The following THSD7B variants were observed in gnomAD, a reference collection of about 807,000 sequenced individuals.
THSD7B encodes the protein thrombospondin type-1 domain-containing protein 7B.
In THSD7B, 138 loss-of-function variants were observed where a neutral mutation model predicts 213.6. The observed-to-expected ratio is 0.65, with a 90% CI of 0.56 to 0.74. THSD7B has a LOEUF of 0.74. Ranked by LOEUF, THSD7B falls within the 30% of genes least tolerant of loss-of-function variation. The pLI is 0.00. For synonymous variants in THSD7B, 742 were observed against 687.0 expected (o/e 1.08, Z -1.25); for missense variants, 1,931 against 1,991.5 (o/e 0.97, Z 0.58).
intron 2 of THSD7B, among the ~76,000 whole-genome samples, chr2:136,975,003 G>A (rs1685457274): frequency 6.7e-6 from 1 of 149,908 alleles, no homozygotes; most frequent in South Asian, 2.1e-4. Context: ...CTTATTTTGA[G>A]AAGTGTCTTT....
intron 5 of THSD7B, among the ~76,000 whole-genome samples, chr2:137,136,535 A>C (rs1679465213): frequency 6.6e-6 from 1 of 152,192 alleles, no homozygotes; most frequent in Non-Finnish European, 1.5e-5. Context: ...CCATAGCTCA[A>C]TGGTTGATTC....
At chr2:136,883,953 T>G (rs1683669915) in intron 2 of THSD7B, among the ~76,000 whole-genome samples, 1 of 152,242 alleles carries the variant, frequency 6.6e-6, no homozygotes, top group Admixed American at 6.5e-5. Context: ...TTGGTTTTGC[T>G]TTCAAAGCAG....
rs145395992 is a variant in THSD7B, at chr2:136,935,371, TGTG to T, written c.139+53058_139+53060del. Among the ~76,000 whole-genome samples, 1,013 of 152,266 alleles carry T rather than the reference TGTG, an allele frequency of 6.7e-3. 11 individuals carry two copies. Among genetic ancestry groups the T allele is most frequent in the African/African-American group, 0.023 (967 of 41,544 alleles). ...GGTCATTAAACCTTCATCATGGTAT[TGTG>T]GTGAGGATTCAAAGAGGAGACTCTA... On this transcript the variant is annotated intron_variant, in intron 2 of 27. Transcript: ENST00000409968.
At chr2:137,242,749 G>C (rs1411316129) in intron 10 of THSD7B, among the ~76,000 whole-genome samples, 177 bp downstream of exon 10, 1 of 151,932 alleles carries the variant, frequency 6.6e-6, no homozygotes, top group Admixed American at 6.6e-5. Flanking sequence ...ATCTATCAGA[G>C]CTTGGAAGAG....
chr2:137,480,946 A>C (rs1035604192), intron 15 of THSD7B, among the ~76,000 whole-genome samples: 6 of 152,246 alleles, frequency 3.9e-5, no homozygotes, highest in Non-Finnish European at 8.8e-5. Flanking sequence ...TTAAGAGACA[A>C]GGCCTCTTAC....
chr2:137,373,283 A>G (rs565939122), intron 12 of THSD7B, among the ~76,000 whole-genome samples: 16 of 152,358 alleles, frequency 1.1e-4, no homozygotes, highest in Non-Finnish European at 1.8e-4. Flanking sequence ...ACTGACTTCC[A>G]CAATGGTTGA....
At position 137,546,442 on chromosome 2, in the gene THSD7B, TATTATATATATATTATATATAATATA is replaced by T. The variant is rs1680729196; in HGVS notation, c.3139-16778_3139-16753del. Among the ~76,000 whole-genome samples the T allele has an allele frequency of 3.2e-4, 10 of 31,526 alleles. 3 individuals carry two copies. Among genetic ancestry groups the T allele is most frequent in the African/African-American group, 2.0e-3 (10 of 4,898 alleles). 20.7% of individuals were successfully genotyped at this position (31,526 alleles called of 152,430 possible). A position where few individuals can be genotyped will look rare whatever the true frequency, so the allele number is the denominator to read the frequency against. ...ATATATATTATATATATATTATATA[TATTATATATATATTATATATAATATA>T]TATATATATAATATATATATATATA... On this transcript the variant is annotated intron_variant, in intron 15 of 27. Coordinates refer to ENST00000409968, the MANE Select transcript of THSD7B (RefSeq NM_001316349.2).
intron 2 of THSD7B, among the ~76,000 whole-genome samples, chr2:137,021,968 T>C (rs2104844063): frequency 6.6e-6 from 1 of 152,150 alleles, no homozygotes; most frequent in South Asian, 2.1e-4. Flanking sequence ...GCATGAGTCA[T>C]TTGAATTGCA....
intron 1 of THSD7B, among the ~76,000 whole-genome samples, chr2:136,863,135 T>A (rs1352306635): frequency 1.3e-5 from 2 of 152,224 alleles, no homozygotes; most frequent in African/African-American, 4.8e-5. Flanking sequence ...ATACCCGTGG[T>A]CTGTCATGGG....
intron 7 of THSD7B, among the ~76,000 whole-genome samples, chr2:137,218,078 G>A (rs1232535058): frequency 5.3e-5 from 8 of 152,126 alleles, no homozygotes; most frequent in Admixed American, 6.5e-5. Flanking sequence ...AATAAACTAT[G>A]CCTTGCAGGC....
intron 1 of THSD7B, among the ~76,000 whole-genome samples, chr2:136,877,542 T>C (rs1181741023): frequency 6.6e-6 from 1 of 152,130 alleles, no homozygotes; most frequent in Non-Finnish European, 1.5e-5. Context: ...GAAGAAAAGT[T>C]TTGGTTGCTT....
intron 1 of THSD7B, among the ~76,000 whole-genome samples, chr2:136,847,738 G>A (rs917629345): frequency 6.6e-6 from 1 of 152,030 alleles, no homozygotes; most frequent in African/African-American, 2.4e-5. Context: ...TTCAAAAGCA[G>A]GTCAAAAAGC....
Position 136,936,878 on chromosome 2 carries a change from C to G in THSD7B, c.139+54561C>G, listed in dbSNP as rs116643373. On this transcript the variant is annotated intron_variant, in intron 2 of 27. Transcript: ENST00000409968. ...TCTCCTTTCCCTCAACTACATCTTC[C>G]TAAATGCCAATAGACACACATTCCT... Among the ~76,000 whole-genome samples, 15 of 152,120 alleles carry G rather than the reference C, an allele frequency of 9.9e-5. No homozygotes were observed. In the South Asian group the frequency reaches 2.9e-3, roughly 29 times the overall value.
chr2:137,015,548 C>T (rs1340815686), intron 2 of THSD7B, among the ~76,000 whole-genome samples: 1 of 152,128 alleles, frequency 6.6e-6, no homozygotes, highest in Non-Finnish European at 1.5e-5. Context: ...GGGCTGATTT[C>T]CCTGGACACA....
At chr2:136,911,034 TATG>T (rs941690427) in intron 2 of THSD7B, among the ~76,000 whole-genome samples, 2 of 152,120 alleles carry the variant, frequency 1.3e-5, no homozygotes, top group African/African-American at 4.8e-5. Flanking sequence ...TCAAATGAGA[TATG>T]ATGAAGATAT....
chr2:137,435,530 A>G (rs187224888), intron 14 of THSD7B, among the ~76,000 whole-genome samples: 2 of 152,342 alleles, frequency 1.3e-5, no homozygotes, highest in East Asian at 3.9e-4. Context: ...GGCTTTGAGC[A>G]GGAGAAAATT....
chr2:137,010,973 A>G (rs1558886036), intron 2 of THSD7B, among the ~76,000 whole-genome samples: 2 of 152,142 alleles, frequency 1.3e-5, no homozygotes, highest in Non-Finnish European at 2.9e-5. Context: ...AATTAACATA[A>G]TTTTTATCAT....
At chr2:137,383,334 G>A (rs1685820181) in intron 12 of THSD7B, among the ~76,000 whole-genome samples, 1 of 152,206 alleles carries the variant, frequency 6.6e-6, no homozygotes, top group South Asian at 2.1e-4. Flanking sequence ...TTTGCTCCCT[G>A]TATTACTGCT....
intron 15 of THSD7B, among the ~76,000 whole-genome samples, chr2:137,552,505 T>G (rs914373310): frequency 6.6e-6 from 1 of 152,196 alleles, no homozygotes; most frequent in Non-Finnish European, 1.5e-5. Flanking sequence ...ATACCAACCT[T>G]GTCTAACTCC....
Sources: allele counts gnomAD v4.1 joint callset (sites outside exome capture counted in the v4.1 genomes callset), GRCh38; gene constraint gnomAD v4.1.1; transcripts MANE v1.5; gene names NCBI Gene and HGNC (gene_info 2026-07-23, HGNC 2026-07-21).